GABRA5: variants seen among roughly 807,000 people sequenced by gnomAD.
The protein encoded by GABRA5 is gamma-aminobutyric acid type A receptor subunit alpha5, also known as gamma-aminobutyric acid receptor subunit alpha-5.
GABRA5 carries 18 observed loss-of-function variants against 47.3 expected under a neutral mutation model. The ratio of observed to expected loss-of-function variants is 0.38; its 90% CI spans 0.26 to 0.56. The LOEUF (loss-of-function observed/expected upper bound fraction) is 0.56. GABRA5 is among the 20% of genes least tolerant of loss of function. GABRA5 has a pLI of 0.71. For synonymous variants in GABRA5, 237 were observed against 229.3 expected, an observed-to-expected ratio of 1.03 and a Z score of -0.30; for missense variants, 365 against 599.3, an observed-to-expected ratio of 0.61 and a Z score of 4.08.
chr15:26,888,597 G>A (rs1892934016), intron 6 of GABRA5, among the ~76,000 whole-genome samples: 4 of 152,152 alleles, frequency 2.6e-5, no homozygotes, highest in Admixed American at 2.0e-4. Flanking sequence ...ATAGCAGCAG[G>A]TCCATAGTCC....
intron 3 of GABRA5, among the ~76,000 whole-genome samples, chr15:26,879,557 G>A (rs144556373): frequency 1.4e-3 from 219 of 152,344 alleles, no homozygotes; most frequent in African/African-American, 4.8e-3. Context: ...TTATGGTGAT[G>A]TGAAACTTAG....
intron 6 of GABRA5, among the ~76,000 whole-genome samples, chr15:26,888,078 A>T (rs1264597712): frequency 6.6e-6 from 1 of 152,302 alleles, no homozygotes; most frequent in South Asian, 2.1e-4. Flanking sequence ...TTTACATAAG[A>T]GATTCAAAAA....
chr15:26,911,855 C>T (rs1011323076), intron 6 of GABRA5, among the ~76,000 whole-genome samples: 4 of 152,098 alleles, frequency 2.6e-5, no homozygotes, highest in East Asian at 1.9e-4. Flanking sequence ...GAGTGCCTGC[C>T]GGGGTCTGGC....
intron 6 of GABRA5, among the ~76,000 whole-genome samples, chr15:26,910,894 G>C (rs1312416839): frequency 6.6e-6 from 1 of 152,100 alleles, no homozygotes; most frequent in Admixed American, 6.5e-5. Flanking sequence ...CTCCACAGAG[G>C]CCTTGATCTC....
intron 6 of GABRA5, among the ~76,000 whole-genome samples, chr15:26,891,574 A>G (rs540868867): frequency 5.9e-5 from 9 of 152,166 alleles, no homozygotes; most frequent in African/African-American, 2.2e-4. Flanking sequence ...GGGAAGACTG[A>G]CAGGAGGGCA....
Position 26,892,260 on chromosome 15 carries a change from C to G in GABRA5, c.497+8703C>G, listed in dbSNP as rs542168146. On this transcript the variant is annotated intron_variant, in intron 6 of 10. Transcript: ENST00000335625. ...CGAAAAACATTAATAATCCAGGTCC[C>G]CCGTGTGCCAGCCACATTCCCAGCA... Among the ~76,000 whole-genome samples, 781 of 152,372 alleles carry G rather than the reference C, an allele frequency of 5.1e-3. 3 individuals carry two copies. Among genetic ancestry groups the G allele is most frequent in the Non-Finnish European group, 7.2e-3 (492 of 68,042 alleles).
chr15:26,870,544 C>T lies in GABRA5; in HGVS notation c.86+1210C>T, dbSNP rs542721536. ...CACACTGACGGGAACAGGTGTGTGG[C>T]ATGTCTCAGCCCTTTGAGCCATTCT... On this transcript the variant is annotated intron_variant, in intron 3 of 10. Transcript: ENST00000335625. Among the ~76,000 whole-genome samples the T allele has an allele frequency of 2.0e-5, 3 of 152,346 alleles. No homozygotes were observed. The South Asian group carries it at 6.2e-4, about 32-fold the overall frequency.
Position 26,883,872 on chromosome 15 carries a change from A to C in GABRA5, c.497+315A>C, listed in dbSNP as rs1892806977. On this transcript the variant is annotated intron_variant, in intron 6 of 10. Transcript: ENST00000335625. The surrounding 1 kb of genome is among the most constrained non-coding windows in gnomAD (Gnocchi z 4.8). Reference sequence around the variant, plus strand: ...TTATTATATTAAACTTAAACATCTAAGGAGGACCGGGCGTGGTGGCTCATG... The same window carrying C: ...TTATTATATTAAACTTAAACATCTACGGAGGACCGGGCGTGGTGGCTCATG... Among the ~76,000 whole-genome samples the C allele has an allele frequency of 6.6e-6, 1 of 152,140 alleles. No individual in the cohort carries two copies. Among genetic ancestry groups the C allele is most frequent in the African/African-American group, 2.4e-5 (1 of 41,424 alleles).
intron 3 of GABRA5, among the ~76,000 whole-genome samples, chr15:26,870,642 A>G (rs1595389938): frequency 6.6e-6 from 1 of 151,684 alleles, no homozygotes; most frequent in Non-Finnish European, 1.5e-5. Flanking sequence ...CTCCCTTCCC[A>G]TGCCTTCAGA....
intron 6 of GABRA5, among the ~76,000 whole-genome samples, chr15:26,908,944 G>C (rs963579836): frequency 4.6e-5 from 7 of 152,206 alleles, no homozygotes; most frequent in African/African-American, 1.4e-4. Context: ...GCATGGGGCT[G>C]CTCTTTGGCA....
At position 26,939,085 on chromosome 15, in the gene GABRA5, C is replaced by T. The variant is rs1214805375; in HGVS notation, c.725-840C>T. Reference sequence around the variant, plus strand: ...CTCTCTGGCCATACCATCCACTCCTCGCAATTCAGCCAAAGTTTTTTGAAT... The same window carrying T: ...CTCTCTGGCCATACCATCCACTCCTTGCAATTCAGCCAAAGTTTTTTGAAT... On this transcript the variant is annotated intron_variant, in intron 8 of 10. Transcript: ENST00000335625. 51 of 657,994 alleles carry T rather than the reference C, an allele frequency of 7.8e-5. No individual in the cohort carries two copies. The East Asian group carries it at 9.8e-4, about 13-fold the overall frequency. 40.8% of individuals were successfully genotyped at this position (657,994 alleles called of 1,614,324 possible).
At chr15:26,933,006 C>T (rs1894145549) in intron 7 of GABRA5, among the ~76,000 whole-genome samples, 5 of 151,304 alleles carry the variant, frequency 3.3e-5, no homozygotes, top group Admixed American at 1.3e-4. Flanking sequence ...GGGCTTAATA[C>T]CTAGGTGATG....
In GABRA5 at chr15:26,948,501, A is replaced by T. The variant is rs1478970402; in HGVS notation, c.*268A>T. ...CTCAGATGCCCAGTATCATACGTTG[A>T]TAGTTTACAAACAAGATACGTATAT... On this transcript the variant is annotated 3_prime_UTR_variant, in exon 11 of 11. Transcript: ENST00000335625. The T allele has an allele frequency of 4.8e-6, 2 of 417,640 alleles. No homozygotes were observed. Among genetic ancestry groups the T allele is most frequent in the Non-Finnish European group, 4.3e-6 (1 of 234,820 alleles). The allele number at this position is 417,640 out of a possible 1,614,324, so 25.9% of individuals were successfully genotyped here. A position where few individuals can be genotyped will look rare whatever the true frequency, so the allele number is the denominator to read the frequency against.
At chr15:26,877,526 C>G (rs1165131608) in intron 3 of GABRA5, 1 of 313,038 alleles carries the variant, frequency 3.2e-6, no homozygotes, top group African/African-American at 2.2e-5. Flanking sequence ...AATTTCCAGT[C>G]AAAATACGTC....
At chr15:26,937,912 T>C (rs545356652) in intron 8 of GABRA5, among the ~76,000 whole-genome samples, 1 of 152,330 alleles carries the variant, frequency 6.6e-6, no homozygotes, top group South Asian at 2.1e-4. Flanking sequence ...TGTGGCCAGA[T>C]GTCTCCAGGA....
At chr15:26,898,236 G>A (rs1191438530) in intron 6 of GABRA5, among the ~76,000 whole-genome samples, 1 of 152,164 alleles carries the variant, frequency 6.6e-6, no homozygotes, top group Non-Finnish European at 1.5e-5. Context: ...TCTGTTCAGT[G>A]AGTCAAGGCC....
chr15:26,876,967 A>G (rs961750044), intron 3 of GABRA5, among the ~76,000 whole-genome samples: 2 of 152,144 alleles, frequency 1.3e-5, no homozygotes, highest in Non-Finnish European at 2.9e-5. Context: ...GTGGGGCCAT[A>G]GGGCTTGGGT....
rs201231068 is a variant in GABRA5 at position 26,883,484 on chromosome 15, A to G, written c.424A>G (p.Ile142Val). 3.1e-6 allele frequency: 5 copies of G among 1,614,156 alleles called. No homozygotes were observed. The South Asian group carries it at 4.4e-5, about 14-fold the overall frequency. The change falls in exon 6 of 11, where the codon ATC (isoleucine) becomes GTC (valine). Residue 142 changes from isoleucine (I) to valine (V), a missense_variant. Physicochemically the swap from Ile to Val is conservative, Grantham distance 29. This residue lies in a region of GABRA5 where 216 missense variants were observed against 335.3 expected (regional missense o/e 0.64). Coordinates refer to ENST00000335625, the MANE Select transcript of GABRA5 (RefSeq NM_000810.4). This position sits in a 1 kb window ranked among gnomAD's most constrained non-coding sequence, Gnocchi z 4.8. The stretch of plus-strand genomic sequence containing the variant: ...GTTCTTCCACAACGGGAAGAAGTCC[A>G]TCGCTCACAACATGACCACGCCCAA... Reference protein sequence around the residue: ...DTFFHNGKKSIAHNMTTPNKL... With the variant: ...DTFFHNGKKSVAHNMTTPNKL...
intron 6 of GABRA5, among the ~76,000 whole-genome samples, chr15:26,897,359 C>T (rs1047944815): frequency 2.0e-5 from 3 of 152,108 alleles, no homozygotes; most frequent in Non-Finnish European, 4.4e-5. Flanking sequence ...GAAGACCATG[C>T]GAGGACACAG....
Sources: allele counts gnomAD v4.1 joint callset (sites outside exome capture counted in the v4.1 genomes callset), GRCh38; gene constraint gnomAD v4.1.1; regional missense constraint gnomAD v4.1.1; non-coding constraint Gnocchi (gnomAD v3.1); transcripts MANE v1.5; gene names NCBI Gene and HGNC (gene_info 2026-07-23, HGNC 2026-07-21).